The following ITPR3 variants were observed in gnomAD, a reference collection of about 807,000 sequenced individuals.
The protein encoded by ITPR3 is inositol 1,4,5-trisphosphate receptor type 3, also known as inositol 1,4,5-trisphosphate-gated calcium channel ITPR3.
Under a neutral mutation model 293.2 loss-of-function variants are expected in ITPR3, and 173 were observed. That is an observed-to-expected ratio of 0.59 (90% CI 0.52 to 0.67). The LOEUF is 0.67. ITPR3 is among the 30% of genes least tolerant of loss of function. ITPR3 has a pLI of 0.00. For missense variants in ITPR3, 2,796 were observed against 3,592.1 expected (o/e 0.78, Z 5.66); for synonymous variants, 1,295 against 1,444.4 (o/e 0.90, Z 2.35).
At position 33,695,707 on chromosome 6, in the gene ITPR3, C is replaced by G. The variant is rs773338335; in HGVS notation, c.7948-5C>G. 8.1e-6 allele frequency: 13 copies of G among 1,614,066 alleles called. No homozygotes were observed. Among genetic ancestry groups the G allele is most frequent in the African/African-American group, 1.3e-5 (1 of 75,070 alleles). ...CCAGGCCTGTTGGCATCTGCTTAAC[C>G]CTAGATGACGGAGCAGCGGAAACGC... On this transcript the variant is annotated splice_polypyrimidine_tract_variant and splice_region_variant and intron_variant, in intron 57 of 57. Coordinates refer to ENST00000605930, the MANE Select transcript of ITPR3 (RefSeq NM_002224.4).
At chr6:33,693,195 C>T (rs1269352087) in intron 55 of ITPR3, among the ~76,000 whole-genome samples, 1 of 152,214 alleles carries the variant, frequency 6.6e-6, no homozygotes, top group Non-Finnish European at 1.5e-5. Flanking sequence ...AAATGAAGTG[C>T]TAGTCCCCTC....
chr6:33,687,519 G>A lies in ITPR3; in HGVS notation c.6219G>A (p.Pro2073=), dbSNP rs746644472. 2.1e-5 allele frequency: 34 copies of A among 1,606,556 alleles called. No homozygotes were observed. The highest frequency in any genetic ancestry group is 2.7e-5 in the African/African-American group (2 of 74,836). ...AACAGCTGCAGCACCTGCTGAAGCC[G>A]GTGAAGCGCATTCAAGAGGAGGAGG... ...HNKQLQHLLK[P]VKRIQEEEAE... The change falls in exon 46 of 58, where the codon CCG becomes CCA. Residue 2073 remains proline (P), a synonymous_variant. Transcript: ENST00000605930. This position sits in a 1 kb window ranked among gnomAD's most constrained non-coding sequence, Gnocchi z 5.3.
chr6:33,687,812 G>A lies in ITPR3; in HGVS notation c.6265-245G>A, dbSNP rs1203764642. On this transcript the variant is annotated intron_variant, in intron 46 of 57. Coordinates refer to ENST00000605930, the MANE Select transcript of ITPR3 (RefSeq NM_002224.4). This position sits in a 1 kb window ranked among gnomAD's most constrained non-coding sequence, Gnocchi z 5.3. ...CAAGCAGGACCCGGGCTACACTTGG[G>A]CAGGACTGAGGAGGCCCCCGCTATC... 6.6e-6 allele frequency among the ~76,000 whole-genome samples: 1 copy of A among 152,150 alleles called. No homozygotes were observed. Among genetic ancestry groups the A allele is most frequent in the Non-Finnish European group, 1.5e-5 (1 of 68,020 alleles).
Position 33,655,651 on chromosome 6 carries a change from G to C in ITPR3, c.161-115G>C. On this transcript the variant is annotated intron_variant, in intron 2 of 57. Transcript: ENST00000605930. This position sits in a 1 kb window ranked among gnomAD's most constrained non-coding sequence, Gnocchi z 4.9. Reference sequence around the variant, plus strand: ...ACCGCTTCCTCTCTACCTGCAGCGGGGAACGGGGGTGGGGAAGGGTTGGGA... The same window carrying C: ...ACCGCTTCCTCTCTACCTGCAGCGGCGAACGGGGGTGGGGAAGGGTTGGGA... The C allele has an allele frequency of 1.7e-5, 24 of 1,372,432 alleles. No homozygotes were observed. In the Middle Eastern group the frequency reaches 7.1e-4, roughly 40 times the overall value. The allele number at this position is 1,372,432 out of a possible 1,614,324, so 85.0% of individuals were successfully genotyped here.
At chr6:33,661,646 GC>G (rs1764470193) in intron 7 of ITPR3, among the ~76,000 whole-genome samples, 1 of 152,116 alleles carries the variant, frequency 6.6e-6, no homozygotes, top group Admixed American at 6.5e-5. Flanking sequence ...TACAGAAGAG[GC>G]AACTGAGGCT....
At chr6:33,645,631 A>G (rs375405172) in intron 2 of ITPR3, among the ~76,000 whole-genome samples, 31 of 152,284 alleles carry the variant, frequency 2.0e-4, no homozygotes, top group African/African-American at 6.5e-4. Flanking sequence ...CCATGGCATG[A>G]GAAGTGACCC....
rs1477314996 is a variant in ITPR3 at position 33,662,896 on chromosome 6, C to G, written c.859-15C>G. The G allele has an allele frequency of 1.9e-6, 3 of 1,576,374 alleles. No individual in the cohort carries two copies. Among genetic ancestry groups the G allele is most frequent in the African/African-American group, 2.7e-5 (2 of 74,170 alleles). Reference sequence around the variant, plus strand: ...TCCAGTCTCTCCTTCCTGCCTCACACCTGTGTGCCCCTAGGTGGTCCACCA... The same window carrying G: ...TCCAGTCTCTCCTTCCTGCCTCACAGCTGTGTGCCCCTAGGTGGTCCACCA... On this transcript the variant is annotated splice_polypyrimidine_tract_variant and intron_variant, in intron 8 of 57. Coordinates refer to ENST00000605930, the MANE Select transcript of ITPR3 (RefSeq NM_002224.4).
At chr6:33,623,167 G>A (rs1763476894) in intron 1 of ITPR3, among the ~76,000 whole-genome samples, 1 of 152,090 alleles carries the variant, frequency 6.6e-6, no homozygotes, top group African/African-American at 2.4e-5. Context: ...AGGGAAGGAG[G>A]AGAGGGTGTG....
chr6:33,670,528 A>G lies in ITPR3; in HGVS notation c.2393A>G (p.Lys798Arg), dbSNP rs761671709. The change falls in exon 19 of 58, where the codon AAG becomes AGG. Residue 798 changes from lysine (K) to arginine (R), a missense_variant. By Grantham distance (26) the Lys-to-Arg change is conservative (BLOSUM62 2). Coordinates refer to ENST00000605930, the MANE Select transcript of ITPR3 (RefSeq NM_002224.4). The surrounding 1 kb of genome is among the most constrained non-coding windows in gnomAD (Gnocchi z 6.7). The stretch of plus-strand genomic sequence containing the variant: ...CCCCAGGAGCTGGTCACGCCGGTCA[A>G]GTTTGCCCGTCTCTGGACTGAGATC... ...RDPQELVTPV[K>R]FARLWTEIPT... 11 of 1,492,458 alleles carry G rather than the reference A, an allele frequency of 7.4e-6. No homozygotes were observed. The highest frequency in any genetic ancestry group is 1.0e-5 in the Non-Finnish European group (11 of 1,102,358). 92.5% of individuals were successfully genotyped at this position (1,492,458 alleles called of 1,614,324 possible).
rs1207336461 is a variant in ITPR3 at position 33,684,847 on chromosome 6, A to G, written c.5211A>G (p.Val1737=). Residue 1737 remains valine (V), a synonymous_variant, in exon 39 of 58, where the codon GTA becomes GTG. Coordinates refer to ENST00000605930, the MANE Select transcript of ITPR3 (RefSeq NM_002224.4). This position sits in a 1 kb window ranked among gnomAD's most constrained non-coding sequence, Gnocchi z 4.2. ...ACAAGGAGGGGGCCACCAAGTTGGTATGCGACCTCATCACCAGCACCAAGA... is the reference window on the plus strand; with the variant it reads ...ACAAGGAGGGGGCCACCAAGTTGGTGTGCGACCTCATCACCAGCACCAAGA... ...RLDKEGATKL[V]CDLITSTKNE... 35 of 1,613,962 alleles carry G rather than the reference A, an allele frequency of 2.2e-5. No individual in the cohort carries two copies. Among genetic ancestry groups the G allele is most frequent in the Non-Finnish European group, 2.9e-5 (34 of 1,180,020 alleles).
In ITPR3 at chr6:33,658,128, C is replaced by T. The variant is rs1413463677; in HGVS notation, c.369+110C>T. The T allele has an allele frequency of 1.4e-5, 13 of 923,940 alleles. No individual in the cohort carries two copies. Among genetic ancestry groups the T allele is most frequent in the Admixed American group, 4.0e-5 (2 of 49,774 alleles). The allele number at this position is 923,940 out of a possible 1,614,324, so 57.2% of individuals were successfully genotyped here. A position where few individuals can be genotyped will look rare whatever the true frequency, so the allele number is the denominator to read the frequency against. On this transcript the variant is annotated intron_variant, in intron 4 of 57. Coordinates refer to ENST00000605930, the MANE Select transcript of ITPR3 (RefSeq NM_002224.4). The surrounding 1 kb of genome is among the most constrained non-coding windows in gnomAD (Gnocchi z 6.1). ...ATTGCCCTCTGTGCATGTGTGTCCC[C>T]GGGTGAATGAGTGGCCCTGGGGCCA...
Position 33,658,675 on chromosome 6 carries a change from G to A in ITPR3, c.375G>A (p.Leu125=). Residue 125 remains leucine, a synonymous_variant, in exon 5 of 58, where the codon CTG becomes CTA. Transcript: ENST00000605930. The surrounding 1 kb of genome is among the most constrained non-coding windows in gnomAD (Gnocchi z 6.1). ...VVKYGSVIQL[L]HMKSNKYLTV... is the part of the protein sequence containing the mutation. Reference sequence around the variant, plus strand: ...GCACCCCACCTGACCCCCAGCTCCTGCACATGAAGAGCAACAAGTACCTGA... The same window carrying A: ...GCACCCCACCTGACCCCCAGCTCCTACACATGAAGAGCAACAAGTACCTGA... 1.9e-6 allele frequency: 3 copies of A among 1,614,030 alleles called. No homozygotes were observed. Among genetic ancestry groups the A allele is most frequent in the Non-Finnish European group, 2.5e-6 (3 of 1,179,918 alleles).
Position 33,675,855 on chromosome 6 carries a change from A to C in ITPR3, c.3281A>C (p.Gln1094Pro). ...QRQEAMHTFK[Q>P]VQLLISAQDV... is the part of the protein sequence containing the mutation. Reference sequence around the variant, plus strand: ...CAGGAGGCCATGCACACCTTCAAGCAGGTGACGGGACTACCTGGCCCTGGC... The same window carrying C: ...CAGGAGGCCATGCACACCTTCAAGCCGGTGACGGGACTACCTGGCCCTGGC... The change falls in exon 25 of 58, where the codon CAG becomes CCG. Residue 1094 changes from glutamine to proline, a missense_variant and splice_region_variant. Transcript: ENST00000605930. The surrounding 1 kb of genome is among the most constrained non-coding windows in gnomAD (Gnocchi z 5.0). 6.4e-7 allele frequency: 1 copy of C among 1,558,248 alleles called. No individual in the cohort carries two copies. Among genetic ancestry groups the C allele is most frequent in the Non-Finnish European group, 8.7e-7 (1 of 1,150,962 alleles).
intron 50 of ITPR3, 78 bp from the exon 51 acceptor site, chr6:33,689,955 GC>G: frequency 6.5e-7 from 1 of 1,538,940 alleles, no homozygotes; most frequent in Non-Finnish European, 8.9e-7. Flanking sequence ...CAGGCTCTGA[GC>G]TGGGCACTGG....
Position 33,685,730 on chromosome 6 carries a change from G to T in ITPR3, c.5570G>T (p.Arg1857Leu), listed in dbSNP as rs755042622. 3.1e-6 allele frequency: 5 copies of T among 1,609,336 alleles called. No homozygotes were observed. Among genetic ancestry groups the T allele is most frequent in the African/African-American group, 1.3e-5 (1 of 74,856 alleles). ...CGCCGGGGGCACGAGGTGAGCGAAC[G>T]TGTGCAGAGCAGTGAGATGGGCACA... ...SLRRGHEVSE[R>L]VQSSEMGTSV... The change falls in exon 41 of 58, where the codon CGT becomes CTT. Residue 1857 changes from arginine to leucine, a missense_variant. Around this residue, in one of 8 missense-constraint regions of ITPR3, gnomAD observed 704 missense variants for 797.5 expected, o/e 0.88. Coordinates refer to ENST00000605930, the MANE Select transcript of ITPR3 (RefSeq NM_002224.4).
intron 57 of ITPR3, 125 bp from the exon 58 acceptor site, chr6:33,695,587 C>G (rs750059794): frequency 2.2e-6 from 2 of 908,996 alleles, no homozygotes; most frequent in East Asian, 2.4e-5. Flanking sequence ...GGCCCTGGCC[C>G]GCCGCCAGTG....
Position 33,655,882 on chromosome 6 carries a change from C to A in ITPR3, c.277C>A (p.Leu93Met). ...CGCTGATGTGGTGTTGCTGCAGAAG[C>A]TGCAGGTATGTGTGTGTGTGCAGGC... ...KIADVVLLQK[L>M]QHAAQMEQKQ... is the part of the protein sequence containing the mutation. Residue 93 changes from leucine to methionine, a missense_variant, in exon 3 of 58, where the codon CTG becomes ATG. Leu to Met is a conservative substitution (Grantham distance 15). This residue lies in a region of ITPR3 where 144 missense variants were observed against 230.8 expected (regional missense o/e 0.62). Transcript: ENST00000605930. This position sits in a 1 kb window ranked among gnomAD's most constrained non-coding sequence, Gnocchi z 4.9. The A allele has an allele frequency of 6.2e-7, 1 of 1,613,932 alleles. No homozygotes were observed. The highest frequency in any genetic ancestry group is 8.5e-7 in the Non-Finnish European group (1 of 1,179,970).
intron 1 of ITPR3, among the ~76,000 whole-genome samples, chr6:33,622,847 T>G (rs1293305835): frequency 6.6e-6 from 1 of 152,152 alleles, no homozygotes; most frequent in Non-Finnish European, 1.5e-5. Context: ...GGGAATGGAT[T>G]GTGGGATTGG....
intron 9 of ITPR3, 49 bp from the exon 10 acceptor site, chr6:33,663,451 G>A: frequency 1.9e-6 from 3 of 1,553,450 alleles, no homozygotes; most frequent in Non-Finnish European, 2.6e-6. Flanking sequence ...GGTCGTGTGG[G>A]TATAGTTTGG....
Sources: gnomAD v4.1 joint callset for allele counts (sites outside exome capture counted in the v4.1 genomes callset) on GRCh38, gnomAD v4.1.1 for gene constraint, gnomAD v4.1.1 regional missense constraint, Gnocchi (gnomAD v3.1) non-coding constraint, MANE v1.5 for transcripts, NCBI Gene and HGNC (gene_info 2026-07-23, HGNC 2026-07-21) for gene names.